Variants in FANCM observed in about 807,000 individuals in gnomAD.
FANCM encodes Fanconi anemia group M protein.
In FANCM, 140 loss-of-function variants were observed where a neutral mutation model predicts 199.5. That is an observed-to-expected ratio of 0.70 (90% confidence interval 0.61 to 0.81). The LOEUF (loss-of-function observed/expected upper bound fraction) is 0.81, where lower values mean the gene tolerates loss of function less well. Ranked by LOEUF, FANCM falls within the 30% of genes least tolerant of loss-of-function variation. FANCM has a pLI of 0.00. For synonymous variants in FANCM, 840 were observed against 836.8 expected, an observed-to-expected ratio of 1.00 and a Z score of -0.07; for missense variants, 2,410 against 2,421.4, an observed-to-expected ratio of 1.00 and a Z score of 0.10.
chr14:45,138,661 G>A (rs576821666), intron 2 of FANCM, among the ~76,000 whole-genome samples: 1 of 152,192 alleles, frequency 6.6e-6, no homozygotes, highest in Non-Finnish European at 1.5e-5. Flanking sequence ...AAACTGTATG[G>A]AATACGTTTT....
intron 14 of FANCM, among the ~76,000 whole-genome samples, chr14:45,177,580 T>A (rs951461307): frequency 1.3e-5 from 2 of 152,006 alleles, no homozygotes; most frequent in Non-Finnish European, 2.9e-5. Context: ...TTAATAGAGG[T>A]GGGGTTTCAC....
chr14:45,146,236 G>A (rs1168116422), intron 3 of FANCM, among the ~76,000 whole-genome samples: 1 of 54,606 alleles, frequency 1.8e-5, no homozygotes, highest in Non-Finnish European at 3.4e-5. Flanking sequence ...GTGAGACTCC[G>A]TCTGAAAAAA....
At chr14:45,195,450 A>G (rs1420877886) in intron 20 of FANCM, 3 of 429,108 alleles carry the variant, frequency 7.0e-6, no homozygotes, top group Non-Finnish European at 1.4e-5. Context: ...ATTTGCGCTT[A>G]TAATAAACGT....
At chr14:45,184,165 A>C (rs769160576) in intron 17 of FANCM, among the ~76,000 whole-genome samples, 16 of 152,172 alleles carry the variant, frequency 1.1e-4, no homozygotes, top group Non-Finnish European at 2.4e-4. Context: ...TTTATGTTTC[A>C]AATTGAAGAA....
rs763359407 is a variant in FANCM at position 45,198,919 on chromosome 14, A to G, written c.5992A>G (p.Lys1998Glu). 6.2e-7 allele frequency: 1 copy of G among 1,608,422 alleles called. No individual in the cohort carries two copies. The highest frequency in any genetic ancestry group is 1.7e-5 in the Admixed American group (1 of 59,974). The change falls in exon 22 of 23, where the codon AAA becomes GAA. Residue 1998 changes from lysine to glutamate, a missense_variant. Lys to Glu is a moderately conservative substitution (Grantham distance 56). Coordinates refer to ENST00000267430, the MANE Select transcript of FANCM (RefSeq NM_020937.4). ...TATGTGTCACCAGTTTTCATCTGTG[A>G]AAAGGATGGCTAACAGGTATGTCTG... Reference protein sequence around the residue: ...LNMCHQFSSVKRMANSSLQEI... With the variant: ...LNMCHQFSSVERMANSSLQEI...
intron 2 of FANCM, among the ~76,000 whole-genome samples, chr14:45,139,552 G>T (rs1885763168): frequency 6.6e-6 from 1 of 152,214 alleles, no homozygotes; most frequent in Non-Finnish European, 1.5e-5. Context: ...ATACTAGAAT[G>T]GGTGTCGAGT....
intron 14 of FANCM, among the ~76,000 whole-genome samples, chr14:45,179,124 G>A (rs1316691942): frequency 2.6e-5 from 4 of 152,108 alleles, no homozygotes; most frequent in Non-Finnish European, 5.9e-5. Flanking sequence ...ACTTGAACCT[G>A]GGAGGCAGAG....
intron 20 of FANCM, among the ~76,000 whole-genome samples, chr14:45,194,465 C>T (rs557872902): frequency 6.6e-6 from 1 of 152,174 alleles, no homozygotes; most frequent in Non-Finnish European, 1.5e-5. Context: ...TATTTTTAAT[C>T]TTCCTTAGAT....
chr14:45,189,283 A>G lies in FANCM; in HGVS notation c.5261A>G (p.Asn1754Ser), dbSNP rs751383628. 1 of 1,613,856 alleles carries G rather than the reference A, an allele frequency of 6.2e-7. No homozygotes were observed. The highest frequency in any genetic ancestry group is 1.1e-5 in the South Asian group (1 of 91,080). ...TCAGACTTCAAACCTCAGAATCATA[A>G]TGAAGTCCAGTCTACCACACCACCC... is the stretch of plus-strand genomic sequence containing the variant. ...EVSDFKPQNH[N>S]EVQSTTPPFT... The change falls in exon 20 of 23, where the codon AAT becomes AGT. Residue 1754 changes from asparagine to serine, a missense_variant. By Grantham distance (46) the Asn-to-Ser change is conservative. Coordinates refer to ENST00000267430, the MANE Select transcript of FANCM (RefSeq NM_020937.4).
Position 45,155,596 on chromosome 14 carries a change from CA to C in FANCM, c.1396+139del, listed in dbSNP as rs149045952. 858 of 536,580 alleles carry C rather than the reference CA, an allele frequency of 1.6e-3. 7 individuals carry two copies. Among genetic ancestry groups the C allele is most frequent in the African/African-American group, 0.015 (763 of 51,484 alleles). 33.2% of individuals were successfully genotyped at this position (536,580 alleles called of 1,614,324 possible). On this transcript the variant is annotated intron_variant, in intron 8 of 22. Coordinates refer to ENST00000267430, the MANE Select transcript of FANCM (RefSeq NM_020937.4). ...CGAGGATCACGGGAGGTCAGGAGTT[CA>C]AGACCAGCCTGACCAACATGGTAAA... is the stretch of plus-strand genomic sequence containing the variant.
chr14:45,188,615 T>C (rs1889558424), intron 19 of FANCM, among the ~76,000 whole-genome samples, 187 bp from the exon 20 acceptor site: 1 of 152,186 alleles, frequency 6.6e-6, no homozygotes. Flanking sequence ...ATCATTCTTT[T>C]CCTTTATCCT....
At chr14:45,166,927 A>G in intron 10 of FANCM, 23 bp from the exon 11 acceptor site, 2 of 1,217,874 alleles carry the variant, frequency 1.6e-6, no homozygotes, top group Non-Finnish European at 2.4e-6. Context: ...ATATAATCTG[A>G]CATTTTCTAT....
chr14:45,176,282 C>T lies in FANCM; in HGVS notation c.3528C>T (p.Phe1176=), dbSNP rs1888690213. 6.8e-6 allele frequency: 11 copies of T among 1,613,924 alleles called. No homozygotes were observed. The East Asian group carries it at 2.5e-4, about 36-fold the overall frequency. ...AISETPLVSQ[F]LISDELLLDN... ...GTGAAACGCCTCTGGTCTCTCAGTTCTTAATTTCTGATGAACTTTTGTTGG... is the reference window on the plus strand; with the variant it reads ...GTGAAACGCCTCTGGTCTCTCAGTTTTTAATTTCTGATGAACTTTTGTTGG... Residue 1176 remains phenylalanine, a synonymous_variant, in exon 14 of 23, where the codon TTC becomes TTT. Transcript: ENST00000267430.
intron 13 of FANCM, among the ~76,000 whole-genome samples, chr14:45,173,768 T>G (rs1237765122): frequency 1.3e-5 from 2 of 152,212 alleles, no homozygotes; most frequent in Non-Finnish European, 2.9e-5. Context: ...TTCATAAGGT[T>G]GTTGTGAGGA....
intron 2 of FANCM, chr14:45,137,459 T>C (rs1885604782): frequency 1.8e-6 from 1 of 550,416 alleles, no homozygotes; most frequent in African/African-American, 1.9e-5. Flanking sequence ...TGTTTTCTTT[T>C]TCTTTTCTTC....
chr14:45,172,057 C>G (rs1888376023), intron 12 of FANCM, among the ~76,000 whole-genome samples: 1 of 152,124 alleles, frequency 6.6e-6, no homozygotes, highest in Middle Eastern at 3.4e-3. Context: ...GCCATTCTTG[C>G]AGGAGTAAGG....
At position 45,170,767 on chromosome 14, in the gene FANCM, G is replaced by A. The variant is rs757607174; in HGVS notation, c.2160+21G>A. On this transcript the variant is annotated intron_variant, in intron 12 of 22. Transcript: ENST00000267430. Reference sequence around the variant, plus strand: ...AACCAGTAAGTTGAATATATTTTCAGATGTTCTTTTCCCCCCCCTCATTTT... The same window carrying A: ...AACCAGTAAGTTGAATATATTTTCAAATGTTCTTTTCCCCCCCCTCATTTT... 4.4e-6 allele frequency: 7 copies of A among 1,599,488 alleles called. No homozygotes were observed. In the South Asian group the frequency reaches 6.6e-5, roughly 15 times the overall value.
chr14:45,157,176 A>G (rs538446477), intron 8 of FANCM, among the ~76,000 whole-genome samples: 1 of 152,182 alleles, frequency 6.6e-6, no homozygotes, highest in Non-Finnish European at 1.5e-5. Flanking sequence ...GAAAGAGCAA[A>G]CATGTTAAGA....
In FANCM at chr14:45,181,638, A is replaced by G. The variant is rs2139270979; in HGVS notation, c.4319A>G (p.Asp1440Gly). ...AKGNVLNSPEDQKNSEVDSPL... is the reference protein window; with the variant it reads ...AKGNVLNSPEGQKNSEVDSPL... ...TTTTACTTTATTTACTTACTTTAGG[A>G]TCAGAAAAATAGTGAAGTTGATTCT... The change falls in exon 16 of 23, where the codon GAT becomes GGT. Residue 1440 changes from aspartate (D) to glycine (G), a missense_variant and splice_region_variant. By Grantham distance (94) the Asp-to-Gly change is moderately conservative. Coordinates refer to ENST00000267430, the MANE Select transcript of FANCM (RefSeq NM_020937.4). The G allele has an allele frequency of 6.2e-7, 1 of 1,610,010 alleles. No individual in the cohort carries two copies. The highest frequency in any genetic ancestry group is 8.5e-7 in the Non-Finnish European group (1 of 1,176,666).
Sources: allele counts gnomAD v4.1 joint callset (sites outside exome capture counted in the v4.1 genomes callset), GRCh38; gene constraint gnomAD v4.1.1; transcripts MANE v1.5; gene names NCBI Gene and HGNC (gene_info 2026-07-23, HGNC 2026-07-21).